Variants in PGAP4 observed in about 807,000 individuals in gnomAD.
The protein encoded by PGAP4 is GPI-N-acetylgalactosamine transferase PGAP4.
In PGAP4, 12 loss-of-function variants were observed where a neutral mutation model predicts 28.2. The ratio of observed to expected loss-of-function variants is 0.42; its 90% CI spans 0.27 to 0.69. PGAP4 has a LOEUF of 0.69. Among genes scored for constraint, PGAP4 ranks in the 30% least tolerant of loss-of-function variants. The pLI is 0.22. For synonymous variants in PGAP4, 205 were observed against 211.8 expected (o/e 0.97, Z 0.28); for missense variants, 425 against 513.5 (o/e 0.83, Z 1.67).
intron 2 of PGAP4, among the ~76,000 whole-genome samples, chr9:101,507,708 A>G (rs906747656): frequency 2.0e-5 from 3 of 152,124 alleles, no homozygotes; most frequent in Non-Finnish European, 4.4e-5. Context: ...AGACTTTGGG[A>G]ATGGTCACAC....
intron 2 of PGAP4, among the ~76,000 whole-genome samples, chr9:101,505,940 C>T (rs1826844775): frequency 6.6e-6 from 1 of 152,066 alleles, no homozygotes; most frequent in African/African-American, 2.4e-5. Context: ...AAAGAGCTTC[C>T]AAATATTGAT....
In PGAP4 at chr9:101,475,813, C is replaced by A. The variant is rs1038446498; in HGVS notation, c.*68G>T. 4 of 1,496,484 alleles carry A rather than the reference C, an allele frequency of 2.7e-6. No homozygotes were observed. Among genetic ancestry groups the A allele is most frequent in the Non-Finnish European group, 3.6e-6 (4 of 1,099,140 alleles). The allele number at this position is 1,496,484 out of a possible 1,614,324, so 92.7% of individuals were successfully genotyped here. A position where few individuals can be genotyped will look rare whatever the true frequency, so the allele number is the denominator to read the frequency against. ...GTGAAATACCTGCAGGCAACCATGT[C>A]TAAATAAAGAGATAAATATTTGAAT... On this transcript the variant is annotated 3_prime_UTR_variant, in exon 2 of 2. Coordinates refer to ENST00000374848, the MANE Select transcript of PGAP4 (RefSeq NM_032342.3).
At chr9:101,493,231 T>C (rs1826707359) in intron 2 of PGAP4, among the ~76,000 whole-genome samples, 1 of 146,274 alleles carries the variant, frequency 6.8e-6, no homozygotes, top group Non-Finnish European at 1.5e-5. Context: ...TCCAGCCTGG[T>C]GACAGAGCGA....
At chr9:101,493,268 A>T (rs868280096) in intron 2 of PGAP4, among the ~76,000 whole-genome samples, 117 of 151,720 alleles carry the variant, frequency 7.7e-4, no homozygotes, top group African/African-American at 2.7e-3. Context: ...AAAAAAAAAA[A>T]ATAGTAAACT....
upstream of PGAP4, chr9:101,533,609 A>G (rs1390868088): frequency 6.6e-6 from 1 of 152,298 alleles, no homozygotes; most frequent in Non-Finnish European, 1.5e-5. Context: ...GCAAAGGTCA[A>G]CAAGTCAACA....
chr9:101,528,435 C>A lies in PGAP4; in HGVS notation c.-165+2913G>T, dbSNP rs541178733. The stretch of plus-strand genomic sequence containing the variant: ...CCCTCAGCTGAAATCCAGTTTTAGT[C>A]CTCAGCTTGCTTTCTGAATGATGGT... On this transcript the variant is annotated intron_variant, in intron 2 of 3. Coordinates refer to the PGAP4 transcript ENST00000374851. Among the ~76,000 whole-genome samples, 3 of 152,196 alleles carry A rather than the reference C, an allele frequency of 2.0e-5. No individual in the cohort carries two copies. The East Asian group carries it at 5.8e-4, about 30-fold the overall frequency.
chr9:101,507,885 A>T (rs1826860819), intron 2 of PGAP4, among the ~76,000 whole-genome samples: 1 of 152,314 alleles, frequency 6.6e-6, no homozygotes. Context: ...CACCACTTGC[A>T]GTACAGTCTT....
At chr9:101,498,887 T>A (rs903931481) in intron 2 of PGAP4, among the ~76,000 whole-genome samples, 2 of 151,966 alleles carry the variant, frequency 1.3e-5, no homozygotes, top group African/African-American at 4.8e-5. Flanking sequence ...AATGTTTATT[T>A]TTTTCTTCCC....
At chr9:101,523,619 CTTTTTTTTTTT>C (rs71356369) in intron 2 of PGAP4, among the ~76,000 whole-genome samples, 136 of 59,348 alleles carry the variant, frequency 2.3e-3, no homozygotes, top group African/African-American at 7.9e-3. Flanking sequence ...CTTCTTGTAT[CTTTTTTTTTTT>C]TTTTTTTTTT....
chr9:101,530,379 A>T (rs1827078067), intron 2 of PGAP4, among the ~76,000 whole-genome samples: 1 of 152,196 alleles, frequency 6.6e-6, no homozygotes, highest in South Asian at 2.1e-4. Flanking sequence ...TCATTAAGTC[A>T]TCATTTGAAA....
In PGAP4 at chr9:101,492,316, C is replaced by G. The variant is rs550603307; in HGVS notation, c.-164-3116G>C. On this transcript the variant is annotated intron_variant, in intron 2 of 3. Coordinates refer to the PGAP4 transcript ENST00000374851. ...TCAAGCGATTCTCCTGCCTCAGCCT[C>G]CTGAGTAGCTGGGACTAAGGCGCAT... Among the ~76,000 whole-genome samples, 10 of 152,148 alleles carry G rather than the reference C, an allele frequency of 6.6e-5. No homozygotes were observed. In the East Asian group the frequency reaches 1.9e-3, roughly 29 times the overall value.
rs571105460 is a variant in PGAP4 at position 101,519,878 on chromosome 9, A to G, written c.-165+11470T>C. 2.0e-5 allele frequency among the ~76,000 whole-genome samples: 3 copies of G among 152,222 alleles called. No homozygotes were observed. In the East Asian group the frequency reaches 5.8e-4, roughly 29 times the overall value. The stretch of plus-strand genomic sequence containing the variant: ...GGTCTTAGGTTTAAGAGCTTAATCC[A>G]TCTTGGGTTGATTTTGTATGAGGTG... On this transcript the variant is annotated intron_variant, in intron 2 of 3. Coordinates refer to the PGAP4 transcript ENST00000374851.
intron 2 of PGAP4, among the ~76,000 whole-genome samples, chr9:101,524,054 G>T (rs765717015): frequency 6.6e-6 from 1 of 151,876 alleles, no homozygotes; most frequent in East Asian, 1.9e-4. Flanking sequence ...GGCTGGTACT[G>T]GGGGTTGTCT....
chr9:101,481,179 A>T (rs983142301), intron 1 of PGAP4, among the ~76,000 whole-genome samples: 5 of 152,238 alleles, frequency 3.3e-5, no homozygotes, highest in African/African-American at 1.2e-4. Context: ...CCCTGTCTCA[A>T]ACAAAAACAA....
In PGAP4 at chr9:101,476,507, C is replaced by G; in HGVS notation, c.586G>C (p.Glu196Gln). 6.2e-7 allele frequency: 1 copy of G among 1,614,154 alleles called. No homozygotes were observed. The highest frequency in any genetic ancestry group is 8.5e-7 in the Non-Finnish European group (1 of 1,180,044). Residue 196 changes from glutamate to glutamine, a missense_variant, in exon 2 of 2, where the codon GAG becomes CAG. Coordinates refer to ENST00000374848, the MANE Select transcript of PGAP4 (RefSeq NM_032342.3). This position sits in a 1 kb window ranked among gnomAD's most constrained non-coding sequence, Gnocchi z 7.0. The stretch of plus-strand genomic sequence containing the variant: ...GGGTTGTAGGTCTGCAGGGATGACT[C>G]CAGGCAATAGACATAGTCCTGCTTC... ...KEKQDYVYCLESSLQTYNPDY... is the reference protein window; with the variant it reads ...KEKQDYVYCLQSSLQTYNPDY...
intron 1 of PGAP4, among the ~76,000 whole-genome samples, chr9:101,481,673 A>G (rs181212931): frequency 3.9e-5 from 6 of 152,320 alleles, no homozygotes; most frequent in African/African-American, 1.4e-4. Flanking sequence ...CAATAGTTAT[A>G]TTTTAGTGCA....
rs202215905 is a variant in PGAP4 at position 101,475,947 on chromosome 9, C to A, written c.1146G>T (p.Pro382=). ...AKGERAYVVE[P]NLVKHIGLFS... is the part of the protein sequence containing the mutation. ...AGAGCCCGATGTGTTTCACGAGGTT[C>A]GGCTCCACTACATAGGCCCTCTCTC... The change falls in exon 2 of 2, where the codon CCG becomes CCT. Residue 382 remains proline, a synonymous_variant. Coordinates refer to ENST00000374848, the MANE Select transcript of PGAP4 (RefSeq NM_032342.3). 1 of 1,614,178 alleles carries A rather than the reference C, an allele frequency of 6.2e-7. No individual in the cohort carries two copies. Among genetic ancestry groups the A allele is most frequent in the Non-Finnish European group, 8.5e-7 (1 of 1,180,044 alleles).
chr9:101,522,913 T>TGGC (rs1249772527), intron 2 of PGAP4, among the ~76,000 whole-genome samples: 1 of 152,186 alleles, frequency 6.6e-6, no homozygotes, highest in African/African-American at 2.4e-5. Context: ...CTTGCAGTGG[T>TGGC]GGCTTGGTAA....
At chr9:101,495,249 ATT>A (rs1826731028) in intron 2 of PGAP4, among the ~76,000 whole-genome samples, 1 of 41,366 alleles carries the variant, frequency 2.4e-5, no homozygotes, top group African/African-American at 9.7e-5. Context: ...TATAATATAT[ATT>A]ATATAGTTTA....
Sources: allele counts gnomAD v4.1 joint callset (sites outside exome capture counted in the v4.1 genomes callset), GRCh38; gene constraint gnomAD v4.1.1; non-coding constraint Gnocchi (gnomAD v3.1); transcripts MANE v1.5; gene names NCBI Gene and HGNC (gene_info 2026-07-23, HGNC 2026-07-21).